Variants in TBC1D5 observed in about 807,000 individuals in gnomAD.
TBC1D5 encodes TBC1 domain family member 5, also known as TBC1 domain family, member 5.
TBC1D5 carries 75 observed loss-of-function variants against 100.3 expected under a neutral mutation model. That is an observed-to-expected ratio of 0.75 (90% CI 0.62 to 0.91). The LOEUF is 0.91. TBC1D5 is among the 40% of genes least tolerant of loss of function. The pLI is 0.00. For synonymous variants in TBC1D5, 323 were observed against 325.6 expected (o/e 0.99, Z 0.09); for missense variants, 910 against 942.4 (o/e 0.97, Z 0.45).
intron 1 of TBC1D5, among the ~76,000 whole-genome samples, chr3:17,633,750 T>C (rs1198255573): frequency 6.6e-6 from 1 of 152,142 alleles, no homozygotes; most frequent in African/African-American, 2.4e-5. Context: ...TCTCAATACA[T>C]TTAATTTAAA....
chr3:17,662,026 G>A (rs2066710520), intron 1 of TBC1D5, among the ~76,000 whole-genome samples: 1 of 152,070 alleles, frequency 6.6e-6, no homozygotes, highest in South Asian at 2.1e-4. Context: ...AAGTAGCTAG[G>A]ACTACAGCTA....
intron 1 of TBC1D5, among the ~76,000 whole-genome samples, chr3:17,668,949 T>C (rs747351716): frequency 3.9e-5 from 6 of 152,278 alleles, no homozygotes; most frequent in African/African-American, 9.6e-5. Context: ...CCAGGGCAAG[T>C]AGTTTACCCT....
intron 2 of TBC1D5, among the ~76,000 whole-genome samples, chr3:17,532,913 C>G (rs1041400776): frequency 5.9e-5 from 9 of 151,920 alleles, no homozygotes; most frequent in Non-Finnish European, 1.3e-4. Context: ...GTGCAGCCCA[C>G]CAACATGGCA....
At chr3:17,527,256 T>C (rs997805991) in intron 2 of TBC1D5, among the ~76,000 whole-genome samples, 3 of 152,188 alleles carry the variant, frequency 2.0e-5, no homozygotes, top group Admixed American at 2.0e-4. Flanking sequence ...GAAGCACCTC[T>C]GAAGTGGTGA....
At chr3:17,600,823 C>CGG (rs199619215) in intron 2 of TBC1D5, among the ~76,000 whole-genome samples, 17 of 152,048 alleles carry the variant, frequency 1.1e-4, no homozygotes, top group African/African-American at 4.1e-4. Context: ...TTTGAAAGAC[C>CGG]GGGCGGGGGA....
chr3:17,548,650 A>C (rs2096442814), intron 2 of TBC1D5, among the ~76,000 whole-genome samples: 1 of 152,170 alleles, frequency 6.6e-6, no homozygotes, highest in African/African-American at 2.4e-5. Context: ...CATGGTAGGG[A>C]AAAGAGTAGA....
chr3:17,350,615 C>T (rs922505640), intron 13 of TBC1D5, among the ~76,000 whole-genome samples: 44 of 152,162 alleles, frequency 2.9e-4, no homozygotes, highest in African/African-American at 9.2e-4. Flanking sequence ...CAGTCATTCG[C>T]GACACATTTG....
chr3:17,417,525 T>C (rs2094112548), intron 4 of TBC1D5, among the ~76,000 whole-genome samples: 1 of 152,136 alleles, frequency 6.6e-6, no homozygotes. Context: ...CATGAACTCA[T>C]CATTTTTATG....
intron 3 of TBC1D5, among the ~76,000 whole-genome samples, chr3:17,480,188 G>T (rs764459555): frequency 6.6e-6 from 1 of 152,212 alleles, no homozygotes; most frequent in Non-Finnish European, 1.5e-5. Flanking sequence ...ACCAGCGAGC[G>T]CAGGAGAGAG....
chr3:17,670,517 T>C (rs904558078), intron 1 of TBC1D5, among the ~76,000 whole-genome samples: 2 of 152,140 alleles, frequency 1.3e-5, no homozygotes, highest in Non-Finnish European at 2.9e-5. Flanking sequence ...CACTACCTTT[T>C]AGGATAGTAG....
chr3:17,318,042 C>T (rs2084913967), intron 13 of TBC1D5, among the ~76,000 whole-genome samples: 1 of 152,026 alleles, frequency 6.6e-6, no homozygotes, highest in African/African-American at 2.4e-5. Context: ...GAATACTATG[C>T]AGCCATAAAA....
intron 2 of TBC1D5, among the ~76,000 whole-genome samples, chr3:17,555,532 T>C (rs1271665388): frequency 1.3e-5 from 2 of 152,272 alleles, no homozygotes; most frequent in African/African-American, 2.4e-5. Flanking sequence ...TTTCTCCTAT[T>C]AAATCTTTAA....
chr3:17,694,219 T>G (rs555433650), intron 1 of TBC1D5, among the ~76,000 whole-genome samples: 2 of 152,208 alleles, frequency 1.3e-5, no homozygotes, highest in Non-Finnish European at 2.9e-5. Context: ...TTGCCAGCAA[T>G]GGAATAAAGC....
chr3:17,344,958 A>C (rs897191490), intron 13 of TBC1D5, among the ~76,000 whole-genome samples: 1 of 152,204 alleles, frequency 6.6e-6, no homozygotes, highest in African/African-American at 2.4e-5. Context: ...TAAAACCATA[A>C]AAACCCTAGA....
chr3:17,428,554 G>A (rs1193015810), intron 3 of TBC1D5, 35 bp from the exon 4 acceptor site: 1 of 1,197,518 alleles, frequency 8.4e-7, no homozygotes, highest in South Asian at 1.6e-5. Context: ...AAATAATGGA[G>A]ATAAACTGAA....
chr3:17,344,404 A>G (rs1263117928), intron 13 of TBC1D5, among the ~76,000 whole-genome samples: 1 of 152,100 alleles, frequency 6.6e-6, no homozygotes, highest in Non-Finnish European at 1.5e-5. Flanking sequence ...CCACTGCTCA[A>G]TGAAATAAAA....
chr3:17,518,327 G>T (rs1184750414), intron 2 of TBC1D5, among the ~76,000 whole-genome samples: 1 of 152,084 alleles, frequency 6.6e-6, no homozygotes, highest in Non-Finnish European at 1.5e-5. Flanking sequence ...CTATAATATA[G>T]GACACCCAGG....
intron 14 of TBC1D5, among the ~76,000 whole-genome samples, chr3:17,299,463 G>A (rs1343666297): frequency 1.3e-5 from 2 of 152,156 alleles, no homozygotes; most frequent in Non-Finnish European, 2.9e-5. Context: ...ATGGATACAT[G>A]TCATTATACA....
chr3:17,244,598 T>C (rs1046165990), intron 16 of TBC1D5, among the ~76,000 whole-genome samples: 1 of 152,122 alleles, frequency 6.6e-6, no homozygotes, highest in African/African-American at 2.4e-5. Context: ...TTTACTACCA[T>C]AAAAACATTT....
Sources: allele counts gnomAD v4.1 joint callset (sites outside exome capture counted in the v4.1 genomes callset), GRCh38; gene constraint gnomAD v4.1.1; transcripts MANE v1.5; gene names NCBI Gene and HGNC (gene_info 2026-07-23, HGNC 2026-07-21).